The following ULK4 variants were observed in gnomAD, a reference collection of about 807,000 sequenced individuals.
ULK4 encodes unc-51 like kinase 4.
Under a neutral mutation model 160.6 loss-of-function variants are expected in ULK4, and 133 were observed. The observed-to-expected ratio is 0.83, with a 90% CI of 0.72 to 0.96. The LOEUF is 0.96. Ranked by LOEUF, ULK4 falls within the 40% of genes least tolerant of loss-of-function variation. The pLI, the probability that ULK4 is intolerant of heterozygous loss-of-function variation, is 0.00. For missense variants in ULK4, 1,580 were observed against 1,499.5 expected (o/e 1.05, Z -0.89); for synonymous variants, 534 against 539.8 (o/e 0.99, Z 0.15).
intron 32 of ULK4, among the ~76,000 whole-genome samples, chr3:41,471,114 C>A (rs750874896): frequency 2.0e-5 from 3 of 152,014 alleles, no homozygotes; most frequent in African/African-American, 7.2e-5. Flanking sequence ...ACTCACCTCA[C>A]TTTTAAGGAC....
chr3:41,681,328 G>C (rs1409369145), intron 29 of ULK4, among the ~76,000 whole-genome samples, 180 bp downstream of exon 29: 2 of 152,128 alleles, frequency 1.3e-5, no homozygotes, highest in Non-Finnish European at 2.9e-5. Flanking sequence ...GAGACCTTCT[G>C]AGTCTTCTGC....
intron 34 of ULK4, among the ~76,000 whole-genome samples, chr3:41,404,698 CT>C (rs1559575296): frequency 2.6e-5 from 4 of 151,944 alleles, no homozygotes; most frequent in African/African-American, 7.3e-5. Context: ...GATTAGATTC[CT>C]TATAAAAGGA....
intron 21 of ULK4, among the ~76,000 whole-genome samples, chr3:41,755,874 G>C (rs1224005274): frequency 1.3e-5 from 2 of 152,176 alleles, no homozygotes; most frequent in Non-Finnish European, 2.9e-5. Context: ...TTCACAGCTT[G>C]TTTCAAGGAA....
At chr3:41,546,189 G>C (rs532305477) in intron 32 of ULK4, among the ~76,000 whole-genome samples, 2 of 151,886 alleles carry the variant, frequency 1.3e-5, no homozygotes, top group African/African-American at 4.8e-5. Context: ...ATAATATGTT[G>C]TGGGGAATCT....
intron 25 of ULK4, among the ~76,000 whole-genome samples, chr3:41,714,746 G>C (rs1339016402): frequency 6.6e-6 from 1 of 151,878 alleles, no homozygotes; most frequent in Non-Finnish European, 1.5e-5. Flanking sequence ...GAGACACTGT[G>C]GGGGCTGGGT....
chr3:41,472,869 C>T (rs1318064831), intron 32 of ULK4, among the ~76,000 whole-genome samples: 1 of 152,068 alleles, frequency 6.6e-6, no homozygotes, highest in African/African-American at 2.4e-5. Flanking sequence ...TGTAAAAATA[C>T]TCAATAAAAT....
At chr3:41,324,482 C>T (rs969279825) in intron 35 of ULK4, among the ~76,000 whole-genome samples, 2 of 152,040 alleles carry the variant, frequency 1.3e-5, no homozygotes, top group African/African-American at 4.8e-5. Context: ...CCTTATTTTG[C>T]CAGGAAAAGA....
rs186488476 is a variant in ULK4, at chr3:41,765,175, T to C, written c.2194-10687A>G. The stretch of plus-strand genomic sequence containing the variant: ...AACCAACCCAAATGTCCATCAATGA[T>C]AGACTGGATTAAGAAAATGTGGCAC... On this transcript the variant is annotated intron_variant, in intron 21 of 36. Transcript: ENST00000301831. 4.4e-3 allele frequency among the ~76,000 whole-genome samples: 676 copies of C among 152,302 alleles called. 4 individuals are homozygous for C. Among genetic ancestry groups the C allele is most frequent in the Middle Eastern group, 0.017 (5 of 294 alleles).
intron 32 of ULK4, among the ~76,000 whole-genome samples, chr3:41,560,177 G>A (rs972510148): frequency 2.4e-4 from 37 of 152,192 alleles, no homozygotes; most frequent in African/African-American, 8.9e-4. Context: ...GGTTGTAGAT[G>A]AGTGGTGTTA....
intron 35 of ULK4, among the ~76,000 whole-genome samples, chr3:41,297,363 C>T (rs1351843987): frequency 6.6e-6 from 1 of 152,226 alleles, no homozygotes. Flanking sequence ...ATGCCTCAGC[C>T]TTCTGAGTTT....
At chr3:41,385,295 G>A (rs1005554211) in intron 35 of ULK4, among the ~76,000 whole-genome samples, 2 of 151,996 alleles carry the variant, frequency 1.3e-5, no homozygotes, top group Admixed American at 6.6e-5. Flanking sequence ...AAAAAGAAGA[G>A]TAAAACTATC....
intron 17 of ULK4, among the ~76,000 whole-genome samples, chr3:41,879,958 A>C (rs543022787): frequency 1.1e-4 from 16 of 151,994 alleles, no homozygotes; most frequent in Non-Finnish European, 2.4e-4. Flanking sequence ...CTCTACTAAA[A>C]ATACAAAATA....
intron 35 of ULK4, among the ~76,000 whole-genome samples, chr3:41,377,079 C>T (rs2125789887): frequency 6.6e-6 from 1 of 152,056 alleles, no homozygotes; most frequent in South Asian, 2.1e-4. Context: ...CACATATCTA[C>T]AACTATCTGA....
chr3:41,814,908 C>CTTTTTTT (rs201381514), intron 19 of ULK4, among the ~76,000 whole-genome samples: 1 of 127,438 alleles, frequency 7.8e-6, no homozygotes, highest in African/African-American at 3.2e-5. Flanking sequence ...TAATTCTGTC[C>CTTTTTTT]TTTTTTTTTT....
chr3:41,503,483 G>A (rs1482081150), intron 32 of ULK4, among the ~76,000 whole-genome samples: 1 of 152,106 alleles, frequency 6.6e-6, no homozygotes, highest in Non-Finnish European at 1.5e-5. Context: ...ATACAAATAA[G>A]CATGACACCA....
chr3:41,566,105 T>A lies in ULK4; in HGVS notation c.3146A>T (p.Asn1049Ile). 2 of 1,613,620 alleles carry A rather than the reference T, an allele frequency of 1.2e-6. No individual in the cohort carries two copies. Among genetic ancestry groups the A allele is most frequent in the Non-Finnish European group, 1.7e-6 (2 of 1,179,844 alleles). Residue 1049 changes from asparagine to isoleucine, a missense_variant, in exon 32 of 37, where the codon AAT becomes ATT. Physicochemically the swap from Asn to Ile is moderately radical, Grantham distance 149. Transcript: ENST00000301831. ...TLEHQESILG[N>I]TMQSVIALLS... is the part of the protein sequence containing the mutation. ...TAATGCAATCACACTTTGCATGGTA[T>A]TACCCAGAATGCTCTCCTGATGTTC... is the stretch of plus-strand genomic sequence containing the variant.
chr3:41,666,852 A>G, intron 29 of ULK4, among the ~76,000 whole-genome samples: 1 of 152,192 alleles, frequency 6.6e-6, no homozygotes, highest in East Asian at 1.9e-4. Context: ...AAATTTAAAA[A>G]GAAAACATTG....
intron 32 of ULK4, among the ~76,000 whole-genome samples, chr3:41,497,504 A>G (rs2085037128): frequency 6.6e-6 from 1 of 152,162 alleles, no homozygotes; most frequent in South Asian, 2.1e-4. Context: ...TAGTTTGCCA[A>G]ATTTGGCAAA....
At chr3:41,785,839 T>C (rs547172867) in intron 21 of ULK4, among the ~76,000 whole-genome samples, 2 of 152,328 alleles carry the variant, frequency 1.3e-5, no homozygotes, top group Admixed American at 1.3e-4. Flanking sequence ...TTCTTCCAAC[T>C]GCCCAGGTTC....
Sources: allele counts gnomAD v4.1 joint callset (sites outside exome capture counted in the v4.1 genomes callset), GRCh38; gene constraint gnomAD v4.1.1; transcripts MANE v1.5; gene names NCBI Gene and HGNC (gene_info 2026-07-23, HGNC 2026-07-21).